Variants in BACE1 observed in about 807,000 individuals in gnomAD.
BACE1 encodes the protein beta-secretase 1.
BACE1 carries 21 observed loss-of-function variants against 54.0 expected under a neutral mutation model. That is an observed-to-expected ratio of 0.39 (90% CI 0.28 to 0.56). BACE1 has a LOEUF of 0.56. Among genes scored for constraint, BACE1 ranks in the 20% least tolerant of loss-of-function variants. The pLI, the probability that BACE1 is intolerant of heterozygous loss-of-function variation, is 0.63. For missense variants in BACE1, 511 were observed against 661.2 expected, an observed-to-expected ratio of 0.77 and a Z score of 2.49; for synonymous variants, 232 against 260.9, an observed-to-expected ratio of 0.89 and a Z score of 1.07.
chr11:117,313,235 G>A lies in BACE1; in HGVS notation c.261+2300C>T, dbSNP rs1565368667. 5.3e-5 allele frequency among the ~76,000 whole-genome samples: 8 copies of A among 152,300 alleles called. No individual in the cohort carries two copies. The South Asian group carries it at 1.7e-3, about 32-fold the overall frequency. On this transcript the variant is annotated intron_variant, in intron 1 of 8. Coordinates refer to ENST00000313005, the MANE Select transcript of BACE1 (RefSeq NM_012104.6). Reference sequence around the variant, plus strand: ...TAGAAATCATAGTGCAAGCCACACAGTTGCTTTAGTTGTGGGCTCCCTGGC... The same window carrying A: ...TAGAAATCATAGTGCAAGCCACACAATTGCTTTAGTTGTGGGCTCCCTGGC...
Position 117,316,244 on chromosome 11 carries a change from C to A in BACE1, c.-449G>T. 1 of 440,442 alleles carries A rather than the reference C, an allele frequency of 2.3e-6. No homozygotes were observed. Among genetic ancestry groups the A allele is most frequent in the Non-Finnish European group, 4.1e-6 (1 of 246,422 alleles). The allele number at this position is 440,442 out of a possible 1,614,324, so 27.3% of individuals were successfully genotyped here. A position where few individuals can be genotyped will look rare whatever the true frequency, so the allele number is the denominator to read the frequency against. Reference sequence around the variant, plus strand: ...GCAGCTCCCGGGCGGGCTGGGGAGGCGGAAAGACTTGTGGCGGCGGCTGTC... The same window carrying A: ...GCAGCTCCCGGGCGGGCTGGGGAGGAGGAAAGACTTGTGGCGGCGGCTGTC... On this transcript the variant is annotated 5_prime_UTR_variant, in exon 1 of 9. Transcript: ENST00000313005.
chr11:117,312,729 T>C (rs1301691931), intron 1 of BACE1, among the ~76,000 whole-genome samples: 1 of 152,158 alleles, frequency 6.6e-6, no homozygotes, highest in South Asian at 2.1e-4. Context: ...TCCCAAAGTG[T>C]TGGGATTACA....
rs990396411 is a variant in BACE1, at chr11:117,286,476, T to C, written c.*3090A>G. The C allele has an allele frequency of 1.3e-5, 2 of 152,504 alleles. No homozygotes were observed. The highest frequency in any genetic ancestry group is 1.3e-4 in the Admixed American group (2 of 15,286). 9.4% of individuals were successfully genotyped at this position (152,504 alleles called of 1,614,324 possible). A position where few individuals can be genotyped will look rare whatever the true frequency, so the allele number is the denominator to read the frequency against. Reference sequence around the variant, plus strand: ...CTAAGAGTTAACTTTTTAAAAAAACTGACTCCAGGGAAAGGACATTATTAT... The same window carrying C: ...CTAAGAGTTAACTTTTTAAAAAAACCGACTCCAGGGAAAGGACATTATTAT... On this transcript the variant is annotated 3_prime_UTR_variant, in exon 9 of 9. Coordinates refer to ENST00000313005, the MANE Select transcript of BACE1 (RefSeq NM_012104.6).
chr11:117,300,361 C>T (rs575699965), intron 1 of BACE1, among the ~76,000 whole-genome samples: 6 of 152,204 alleles, frequency 3.9e-5, no homozygotes, highest in Non-Finnish European at 5.9e-5. Context: ...TGCTCCCGCC[C>T]GAGAGAAGTA....
At chr11:117,297,552 G>A (rs904129998) in intron 1 of BACE1, among the ~76,000 whole-genome samples, 9 of 152,280 alleles carry the variant, frequency 5.9e-5, no homozygotes, top group Non-Finnish European at 8.8e-5. Context: ...CCTGGGAGGT[G>A]GAGGTTGCAG....
intron 1 of BACE1, among the ~76,000 whole-genome samples, chr11:117,307,749 T>C (rs1307650321): frequency 1.3e-5 from 2 of 152,114 alleles, no homozygotes; most frequent in South Asian, 2.1e-4. Flanking sequence ...AGCTAAACTC[T>C]TCTTTACTGG....
chr11:117,293,961 G>T lies in BACE1; in HGVS notation c.615C>A (p.Thr205=), dbSNP rs1404507031. 1.2e-6 allele frequency: 2 copies of T among 1,614,030 alleles called. No homozygotes were observed. Among genetic ancestry groups the T allele is most frequent in the South Asian group, 1.1e-5 (1 of 91,072 alleles). ...EPFFDSLVKQ[T]HVPNLFSLQL... ...GCAGGGAGAAGAGGTTGGGAACGTG[G>T]GTCTGCTTTACCAGAGAGTCAAAGA... is the stretch of plus-strand genomic sequence containing the variant. Residue 205 remains threonine (T), a synonymous_variant, in exon 4 of 9, where the codon ACC becomes ACA. Transcript: ENST00000313005. The surrounding 1 kb of genome is among the most constrained non-coding windows in gnomAD (Gnocchi z 4.1).
At chr11:117,295,378 C>T (rs1359632038) in intron 2 of BACE1, 31 bp from the exon 3 acceptor site, 3 of 1,602,822 alleles carry the variant, frequency 1.9e-6, no homozygotes, top group Non-Finnish European at 2.6e-6. Context: ...TCTGTGGATG[C>T]ATAACCACAA....
At chr11:117,295,634 T>G in intron 2 of BACE1, 2 of 1,529,762 alleles carry the variant, frequency 1.3e-6, no homozygotes, top group Non-Finnish European at 8.8e-7. Context: ...CTTTGTGCAT[T>G]GTGCCTGCTG....
intron 1 of BACE1, among the ~76,000 whole-genome samples, chr11:117,300,197 TC>T (rs891666627): frequency 1.3e-4 from 19 of 151,156 alleles, no homozygotes; most frequent in African/African-American, 4.6e-4. Flanking sequence ...CCCCCTCCAC[TC>T]CCATCCCTCT....
chr11:117,302,754 G>A (rs1340348760), intron 1 of BACE1, among the ~76,000 whole-genome samples: 2 of 152,168 alleles, frequency 1.3e-5, no homozygotes, highest in East Asian at 1.9e-4. Flanking sequence ...GCATGGTGGC[G>A]CACACCTGTA....
chr11:117,313,497 C>T lies in BACE1; in HGVS notation c.261+2038G>A, dbSNP rs1027431930. 3.3e-5 allele frequency among the ~76,000 whole-genome samples: 5 copies of T among 152,122 alleles called. No homozygotes were observed. In the South Asian group the frequency reaches 6.2e-4, roughly 19 times the overall value. On this transcript the variant is annotated intron_variant, in intron 1 of 8. Coordinates refer to ENST00000313005, the MANE Select transcript of BACE1 (RefSeq NM_012104.6). ...TTGCCCAGGCTGGAGGGCAATGGTG[C>T]GATCTTGTCTCACTGCAACCTCCGC...
At chr11:117,308,556 G>T (rs2034880866) in intron 1 of BACE1, among the ~76,000 whole-genome samples, 1 of 152,154 alleles carries the variant, frequency 6.6e-6, no homozygotes, top group African/African-American at 2.4e-5. Context: ...AAGACACTTA[G>T]TCTCTCTGGG....
chr11:117,306,765 C>T (rs535981179), intron 1 of BACE1, among the ~76,000 whole-genome samples: 30 of 152,048 alleles, frequency 2.0e-4, no homozygotes, highest in African/African-American at 6.8e-4. Flanking sequence ...GAGCCGAGAT[C>T]GCGCCACCGC....
chr11:117,312,315 C>G (rs1203169408), intron 1 of BACE1, among the ~76,000 whole-genome samples: 1 of 152,334 alleles, frequency 6.6e-6, no homozygotes. Flanking sequence ...ATGGTGCCAT[C>G]TGCCCCCTGG....
At chr11:117,291,312 T>C (rs1315228146) in intron 6 of BACE1, among the ~76,000 whole-genome samples, 18 of 151,426 alleles carry the variant, frequency 1.2e-4, no homozygotes, top group Non-Finnish European at 2.9e-5. Flanking sequence ...TGTCTCACTC[T>C]GTTGCCCAGG....
chr11:117,295,443 A>G, intron 2 of BACE1, 96 bp from the exon 3 acceptor site: 1 of 1,544,100 alleles, frequency 6.5e-7, no homozygotes, highest in Non-Finnish European at 8.7e-7. Flanking sequence ...ATCTCATCTC[A>G]GGGGAATCCT....
At position 117,289,308 on chromosome 11, in the gene BACE1, C is replaced by T. The variant is rs1015376751; in HGVS notation, c.*258G>A. 6.6e-6 allele frequency: 3 copies of T among 457,484 alleles called. No homozygotes were observed. The highest frequency in any genetic ancestry group is 3.5e-5 in the Admixed American group (1 of 28,960). The allele number at this position is 457,484 out of a possible 1,614,324, so 28.3% of individuals were successfully genotyped here. A position where few individuals can be genotyped will look rare whatever the true frequency, so the allele number is the denominator to read the frequency against. ...TGAAGTTTCAAGCAGCAGAATTTCC[C>T]GACTTAAATTTGAGGTGACCAAGAG... On this transcript the variant is annotated 3_prime_UTR_variant, in exon 9 of 9. Coordinates refer to ENST00000313005, the MANE Select transcript of BACE1 (RefSeq NM_012104.6).
At chr11:117,313,669 C>T (rs1252797371) in intron 1 of BACE1, among the ~76,000 whole-genome samples, 1 of 152,288 alleles carries the variant, frequency 6.6e-6, no homozygotes, top group East Asian at 1.9e-4. Context: ...AACTCCTGAC[C>T]TCAGGTGATC....
Sources: gnomAD v4.1 joint callset for allele counts (sites outside exome capture counted in the v4.1 genomes callset) on GRCh38, gnomAD v4.1.1 for gene constraint, Gnocchi (gnomAD v3.1) non-coding constraint, MANE v1.5 for transcripts, NCBI Gene and HGNC (gene_info 2026-07-23, HGNC 2026-07-21) for gene names.